DLG2: variants seen among roughly 807,000 people sequenced by gnomAD.
DLG2 encodes the protein disks large homolog 2.
In DLG2, 45 loss-of-function variants were observed where a neutral mutation model predicts 132.5. The ratio of observed to expected loss-of-function variants is 0.34; its 90% CI spans 0.27 to 0.44. The LOEUF is 0.44. Among genes scored for constraint, DLG2 ranks in the 20% least tolerant of loss-of-function variants. The pLI is 1.00. For synonymous variants in DLG2, 424 were observed against 419.6 expected, an observed-to-expected ratio of 1.01 and a Z score of -0.13; for missense variants, 1,045 against 1,196.9, an observed-to-expected ratio of 0.87 and a Z score of 1.87.
intron 6 of DLG2, among the ~76,000 whole-genome samples, chr11:85,055,382 G>C (rs1301268512): frequency 2.6e-5 from 4 of 152,144 alleles, no homozygotes; most frequent in Non-Finnish European, 5.9e-5. Context: ...AAGTCACGAA[G>C]TCAGCCAGGA....
intron 3 of DLG2, among the ~76,000 whole-genome samples, chr11:85,448,199 GC>G (rs772147116): frequency 4.9e-4 from 74 of 152,224 alleles, no homozygotes; most frequent in African/African-American, 1.6e-3. Flanking sequence ...AATCTAAAAA[GC>G]CCTATCAGAA....
chr11:84,265,779 T>A (rs1338107679), intron 7 of DLG2, among the ~76,000 whole-genome samples: 1 of 152,056 alleles, frequency 6.6e-6, no homozygotes, highest in Non-Finnish European at 1.5e-5. Flanking sequence ...CTCTACATGA[T>A]GAAAATGAGA....
intron 11 of DLG2, among the ~76,000 whole-genome samples, chr11:83,994,979 A>ATT (rs67876577): frequency 1.2e-3 from 168 of 136,264 alleles, no homozygotes; most frequent in African/African-American, 2.4e-3. Context: ...TTCTGTGTCC[A>ATT]TTTTTTTTTT....
chr11:85,191,415 C>T (rs746046963), intron 4 of DLG2, among the ~76,000 whole-genome samples: 1 of 151,998 alleles, frequency 6.6e-6, no homozygotes, highest in Non-Finnish European at 1.5e-5. Flanking sequence ...ACACGTTGTT[C>T]CCCCACTTCA....
chr11:83,943,644 G>A (rs928349902), intron 14 of DLG2, among the ~76,000 whole-genome samples: 4 of 152,104 alleles, frequency 2.6e-5, no homozygotes, highest in South Asian at 2.1e-4. Flanking sequence ...AGTCTACTTC[G>A]GGGAAATTAT....
chr11:84,462,021 C>T (rs1014818678), intron 7 of DLG2, among the ~76,000 whole-genome samples: 2 of 150,944 alleles, frequency 1.3e-5, no homozygotes, highest in East Asian at 3.9e-4. Context: ...GGCGAAATGT[C>T]ATCAACGTTA....
chr11:84,908,410 C>T (rs1408398257), intron 6 of DLG2, among the ~76,000 whole-genome samples: 1 of 152,132 alleles, frequency 6.6e-6, no homozygotes, highest in Non-Finnish European at 1.5e-5. Context: ...TCAACAGCCA[C>T]ATGTGTCCAG....
At chr11:83,690,501 G>C (rs1015552811) in intron 18 of DLG2, among the ~76,000 whole-genome samples, 2 of 152,026 alleles carry the variant, frequency 1.3e-5, no homozygotes, top group African/African-American at 4.8e-5. Context: ...GTGGCAAATA[G>C]AGAGTCAATA....
intron 18 of DLG2, among the ~76,000 whole-genome samples, chr11:83,773,710 G>T (rs1345568008): frequency 6.6e-6 from 1 of 152,200 alleles, no homozygotes; most frequent in Non-Finnish European, 1.5e-5. Flanking sequence ...CCCATAGTTC[G>T]AAGAGAAACT....
At chr11:83,627,821 C>G (rs546009630) in intron 19 of DLG2, among the ~76,000 whole-genome samples, 23 of 152,152 alleles carry the variant, frequency 1.5e-4, no homozygotes, top group East Asian at 3.9e-4. Flanking sequence ...CTAGTTTACA[C>G]TCCCACCAAC....
intron 7 of DLG2, chr11:84,437,675 T>C (rs1003370944): frequency 6.6e-6 from 1 of 152,266 alleles, no homozygotes; most frequent in Non-Finnish European, 1.5e-5. Flanking sequence ...TGCAGGTATA[T>C]TTACATCCTG....
intron 7 of DLG2, among the ~76,000 whole-genome samples, chr11:84,287,619 C>A (rs545407113): frequency 4.0e-5 from 6 of 151,820 alleles, no homozygotes; most frequent in Non-Finnish European, 7.4e-5. Context: ...GTCAGTGTTG[C>A]GTAAGTCTCT....
At chr11:84,896,382 T>G (rs2090187707) in intron 6 of DLG2, among the ~76,000 whole-genome samples, 1 of 152,006 alleles carries the variant, frequency 6.6e-6, no homozygotes, top group Non-Finnish European at 1.5e-5. Context: ...GTGCTACAAG[T>G]TTTTCCTCCC....
At chr11:83,907,155 T>A (rs2075156067) in intron 15 of DLG2, among the ~76,000 whole-genome samples, 2 of 151,748 alleles carry the variant, frequency 1.3e-5, no homozygotes, top group African/African-American at 4.8e-5. Flanking sequence ...AAAGAAGAAA[T>A]GAGAGAACAT....
intron 6 of DLG2, among the ~76,000 whole-genome samples, chr11:84,871,131 A>G (rs960205451): frequency 6.6e-6 from 1 of 152,188 alleles, no homozygotes; most frequent in Admixed American, 6.5e-5. Flanking sequence ...TTATGGGCAT[A>G]ATCACTCCAA....
At chr11:84,929,177 T>G (rs2047810587) in intron 6 of DLG2, among the ~76,000 whole-genome samples, 1 of 150,708 alleles carries the variant, frequency 6.6e-6, no homozygotes, top group Admixed American at 6.6e-5. Context: ...ATTAAGCAAA[T>G]TATTCAGATT....
At chr11:85,482,310 C>G (rs1003440845) in intron 3 of DLG2, among the ~76,000 whole-genome samples, 1 of 152,204 alleles carries the variant, frequency 6.6e-6, no homozygotes, top group Non-Finnish European at 1.5e-5. Context: ...CACCCCAATG[C>G]CAGCTTGGCT....
At chr11:84,838,679 T>A (rs2080157067) in intron 6 of DLG2, among the ~76,000 whole-genome samples, 1 of 152,064 alleles carries the variant, frequency 6.6e-6, no homozygotes, top group Non-Finnish European at 1.5e-5. Flanking sequence ...AAATCAAGGC[T>A]GGTTCAACAT....
Position 85,122,972 on chromosome 11 carries a change from T to TATATATATATATATATATAATATA in DLG2, c.283-11238_283-11237insTATATTATATATATATATATATAT, listed in dbSNP as rs58442462. ...TATTATATATATATATATATATATT[T>TATATATATATATATATATAATATA]TTTTTTTTTTTTTTTTTTTTTTTGA... On this transcript the variant is annotated intron_variant, in intron 5 of 27. Transcript: ENST00000376104. Among the ~76,000 whole-genome samples, 40 of 67,236 alleles carry TATATATATATATATATATAATATA rather than the reference T, an allele frequency of 5.9e-4. 1 individual carries two copies. Among genetic ancestry groups the TATATATATATATATATATAATATA allele is most frequent in the African/African-American group, 2.6e-3 (40 of 15,396 alleles). 44.1% of individuals were successfully genotyped at this position (67,236 alleles called of 152,430 possible).
Sources: allele counts gnomAD v4.1 joint callset (sites outside exome capture counted in the v4.1 genomes callset), GRCh38; gene constraint gnomAD v4.1.1; transcripts MANE v1.5; gene names NCBI Gene and HGNC (gene_info 2026-07-23, HGNC 2026-07-21).